The following MAGI2 variants were observed in gnomAD, a reference collection of about 807,000 sequenced individuals.
The protein encoded by MAGI2 is membrane associated guanylate kinase, WW and PDZ domain containing 2.
In MAGI2, 35 loss-of-function variants were observed where a neutral mutation model predicts 133.3. The observed-to-expected ratio is 0.26, with a 90% CI of 0.20 to 0.35. The LOEUF is 0.35. Ranked by LOEUF, MAGI2 falls within the 10% of genes least tolerant of loss-of-function variation. The probability of loss-of-function intolerance (pLI) is 1.00; values close to 1 mark genes in which losing one functional copy is unlikely to be tolerated. For synonymous variants in MAGI2, 729 were observed against 710.6 expected (o/e 1.03, Z -0.41); for missense variants, 1,636 against 1,863.4 (o/e 0.88, Z 2.25).
At chr7:79,353,513 G>A in intron 1 of MAGI2, 1 of 455,362 alleles carries the variant, frequency 2.2e-6, no homozygotes, top group East Asian at 7.0e-5. Flanking sequence ...TGCTGCTTTG[G>A]AATCATCTCC....
intron 1 of MAGI2, among the ~76,000 whole-genome samples, chr7:79,214,041 G>A (rs542390873): frequency 4.0e-4 from 60 of 151,780 alleles, no homozygotes; most frequent in Middle Eastern, 3.4e-3. Context: ...TCAGATTTTC[G>A]CATGCAAAAC....
chr7:78,705,163 T>C (rs1317318154), intron 2 of MAGI2, among the ~76,000 whole-genome samples: 2 of 152,074 alleles, frequency 1.3e-5, no homozygotes, highest in African/African-American at 2.4e-5. Flanking sequence ...AATCCCCACA[T>C]ATCAATGGAG....
intron 3 of MAGI2, among the ~76,000 whole-genome samples, chr7:78,604,723 T>C (rs1805616305): frequency 1.3e-5 from 2 of 152,212 alleles, no homozygotes; most frequent in Non-Finnish European, 2.9e-5. Context: ...CCCGGAAGTA[T>C]AAGAAATGTA....
chr7:78,277,208 C>T (rs1795138877), intron 9 of MAGI2, among the ~76,000 whole-genome samples: 1 of 152,032 alleles, frequency 6.6e-6, no homozygotes, highest in African/African-American at 2.4e-5. Flanking sequence ...AGTCCTTGAT[C>T]TTAAAGTATA....
chr7:78,522,401 C>T (rs551148318), intron 3 of MAGI2, among the ~76,000 whole-genome samples: 1 of 152,166 alleles, frequency 6.6e-6, no homozygotes, highest in African/African-American at 2.4e-5. Flanking sequence ...TTTATTGAGA[C>T]AGAGTCTTGC....
At chr7:78,164,472 T>C (rs138512694) in intron 15 of MAGI2, among the ~76,000 whole-genome samples, 345 of 152,334 alleles carry the variant, frequency 2.3e-3, no homozygotes, top group Non-Finnish European at 3.4e-3. Context: ...GGCCTGCCTA[T>C]AGGCATTTGT....
chr7:78,523,938 G>T (rs1796727558), intron 3 of MAGI2, among the ~76,000 whole-genome samples: 1 of 152,102 alleles, frequency 6.6e-6, no homozygotes, highest in South Asian at 2.1e-4. Flanking sequence ...GCCTTTGATA[G>T]CCCTGAAATC....
At chr7:78,751,460 G>A (rs1823452092) in intron 2 of MAGI2, among the ~76,000 whole-genome samples, 1 of 152,272 alleles carries the variant, frequency 6.6e-6, no homozygotes, top group South Asian at 2.1e-4. Context: ...TCACACGAAT[G>A]ACCTAATTGG....
At chr7:78,465,394 G>A (rs1790515330) in intron 6 of MAGI2, among the ~76,000 whole-genome samples, 2 of 152,142 alleles carry the variant, frequency 1.3e-5, no homozygotes, top group Admixed American at 1.3e-4. Context: ...AGAGCATGAG[G>A]TTTACCTTGC....
intron 1 of MAGI2, among the ~76,000 whole-genome samples, chr7:79,031,084 A>G (rs1366540859): frequency 3.9e-5 from 6 of 152,288 alleles, no homozygotes; most frequent in Admixed American, 3.3e-4. Flanking sequence ...AGCATGATAT[A>G]AATCTACCAA....
chr7:78,691,256 T>G (rs1816925347), intron 2 of MAGI2, among the ~76,000 whole-genome samples: 2 of 152,210 alleles, frequency 1.3e-5, no homozygotes, highest in Admixed American at 6.5e-5. Context: ...TGCTATTTAT[T>G]TCACTCTGTT....
chr7:79,171,288 A>G (rs1825514367), intron 1 of MAGI2, among the ~76,000 whole-genome samples: 1 of 152,016 alleles, frequency 6.6e-6, no homozygotes, highest in Admixed American at 6.6e-5. Context: ...TTCAGTCTTC[A>G]CAGGGTATTC....
intron 2 of MAGI2, among the ~76,000 whole-genome samples, chr7:78,669,110 C>G (rs1471584317): frequency 6.6e-6 from 1 of 151,950 alleles, no homozygotes; most frequent in Non-Finnish European, 1.5e-5. Context: ...AAAAACCTTT[C>G]AAAAAATTAA....
chr7:78,364,650 T>C (rs530238826), intron 7 of MAGI2, among the ~76,000 whole-genome samples: 3 of 152,298 alleles, frequency 2.0e-5, no homozygotes, highest in Admixed American at 6.5e-5. Flanking sequence ...CAGCTTTGCA[T>C]GAAAGCTGTC....
chr7:79,342,983 C>T (rs1420721116), intron 1 of MAGI2, among the ~76,000 whole-genome samples: 2 of 151,960 alleles, frequency 1.3e-5, no homozygotes, highest in Non-Finnish European at 2.9e-5. Flanking sequence ...AGGCTAGTCT[C>T]GAACTCCTGA....
At chr7:78,872,730 G>C (rs1584235759) in intron 2 of MAGI2, among the ~76,000 whole-genome samples, 1 of 151,844 alleles carries the variant, frequency 6.6e-6, no homozygotes, top group African/African-American at 2.4e-5. Flanking sequence ...TTCTACCTCT[G>C]AGGGAAATAT....
intron 20 of MAGI2, among the ~76,000 whole-genome samples, chr7:78,121,250 T>G (rs1295363681): frequency 1.4e-5 from 2 of 146,066 alleles, no homozygotes; most frequent in Admixed American, 1.4e-4. Context: ...AAAAAAGGGT[T>G]AAGCCAATTA....
At chr7:78,397,395 A>ACACACC (rs1554391166) in intron 6 of MAGI2, among the ~76,000 whole-genome samples, 6 of 150,088 alleles carry the variant, frequency 4.0e-5, no homozygotes, top group African/African-American at 1.5e-4. Flanking sequence ...ACACACACAC[A>ACACACC]CACCCCTTGT....
At chr7:78,489,508 G>A (rs1793390888) in intron 6 of MAGI2, among the ~76,000 whole-genome samples, 1 of 152,044 alleles carries the variant, frequency 6.6e-6, no homozygotes, top group South Asian at 2.1e-4. Context: ...GGAAAGTCAG[G>A]CCAGGAGTCA....
Sources: allele counts gnomAD v4.1 joint callset (sites outside exome capture counted in the v4.1 genomes callset), GRCh38; gene constraint gnomAD v4.1.1; transcripts MANE v1.5; gene names NCBI Gene and HGNC (gene_info 2026-07-23, HGNC 2026-07-21).